The following IL20RB variants were observed in gnomAD, a reference collection of about 807,000 sequenced individuals.
IL20RB encodes the protein interleukin 20 receptor subunit beta.
A neutral mutation model predicts 33.3 loss-of-function variants in IL20RB; 21 were observed. The observed-to-expected ratio is 0.63, with a 90% CI of 0.45 to 0.91. The LOEUF (loss-of-function observed/expected upper bound fraction) is 0.91, where lower values mean the gene tolerates loss of function less well. Ranked by LOEUF, IL20RB falls within the 40% of genes least tolerant of loss-of-function variation. The pLI is 0.00. For synonymous variants in IL20RB, 147 were observed against 146.8 expected, an observed-to-expected ratio of 1.00 and a Z score of -0.01; for missense variants, 345 against 384.8, an observed-to-expected ratio of 0.90 and a Z score of 0.86.
chr3:136,984,121 G>A (rs982797500), intron 3 of IL20RB, among the ~76,000 whole-genome samples: 1 of 152,236 alleles, frequency 6.6e-6, no homozygotes, highest in Non-Finnish European at 1.5e-5. Context: ...TTATAGGAAT[G>A]AGCCATCGCA....
chr3:137,002,678 C>T (rs537717963), intron 6 of IL20RB, among the ~76,000 whole-genome samples: 77 of 152,036 alleles, frequency 5.1e-4, no homozygotes, highest in Middle Eastern at 3.4e-3. Flanking sequence ...AGTCCTTTGT[C>T]AGATGGGTAG....
chr3:136,980,320 C>A, intron 1 of IL20RB, 146 bp from the exon 2 acceptor site: 54 of 754,938 alleles, frequency 7.2e-5, no homozygotes, highest in Non-Finnish European at 8.5e-5. Context: ...GAGTCTCATT[C>A]TGTTGTCTAG....
chr3:137,007,903 T>TGA (rs1222433437), intron 6 of IL20RB, among the ~76,000 whole-genome samples: 5 of 152,212 alleles, frequency 3.3e-5, no homozygotes, highest in African/African-American at 1.2e-4. Context: ...GGAGTGTTTC[T>TGA]ATTCAGCCAT....
At chr3:136,960,943 C>CTT (rs1941202145) in intron 1 of IL20RB, among the ~76,000 whole-genome samples, 1 of 152,142 alleles carries the variant, frequency 6.6e-6, no homozygotes, top group Non-Finnish European at 1.5e-5. Flanking sequence ...GACATCAGGC[C>CTT]CACTGAGCGT....
At chr3:136,976,997 G>T (rs1941634833) in intron 1 of IL20RB, among the ~76,000 whole-genome samples, 1 of 152,202 alleles carries the variant, frequency 6.6e-6, no homozygotes, top group Non-Finnish European at 1.5e-5. Flanking sequence ...CCCACATTGA[G>T]AAGTCACTCT....
intron 4 of IL20RB, among the ~76,000 whole-genome samples, chr3:136,990,482 A>T (rs962946525): frequency 1.3e-5 from 2 of 151,698 alleles, no homozygotes; most frequent in African/African-American, 4.8e-5. Flanking sequence ...CTTCCTACTC[A>T]TGCCTATGAT....
At chr3:136,992,405 T>A (rs763484187) in intron 5 of IL20RB, among the ~76,000 whole-genome samples, 5 of 152,228 alleles carry the variant, frequency 3.3e-5, no homozygotes, top group Non-Finnish European at 7.3e-5. Context: ...CAGAGTGGGC[T>A]GCAGGAGAGG....
chr3:136,989,363 C>T, intron 3 of IL20RB, 78 bp from the exon 4 acceptor site: 3 of 1,552,566 alleles, frequency 1.9e-6, no homozygotes, highest in Non-Finnish European at 2.7e-6. Context: ...TATTTCCATA[C>T]ATGACCCGGT....
intron 4 of IL20RB, among the ~76,000 whole-genome samples, chr3:136,990,814 C>A (rs1384683470): frequency 7.5e-6 from 1 of 132,530 alleles, no homozygotes; most frequent in African/African-American, 2.8e-5. Flanking sequence ...GCAGGTACAA[C>A]ACTGGGTTTC....
intron 6 of IL20RB, 77 bp from the exon 7 acceptor site, chr3:137,010,036 T>G: frequency 1.3e-6 from 1 of 746,952 alleles, no homozygotes; most frequent in East Asian, 2.8e-5. Flanking sequence ...AATCAAATAG[T>G]TAAAAATGTA....
intron 3 of IL20RB, among the ~76,000 whole-genome samples, chr3:136,988,045 G>A (rs928430342): frequency 5.3e-5 from 8 of 152,240 alleles, no homozygotes; most frequent in African/African-American, 1.7e-4. Flanking sequence ...GCAGTGCAGC[G>A]GTGGGCTGAA....
rs1281360938 is a variant in IL20RB, at chr3:136,998,675, T to C, written c.825+3119T>C. Reference sequence around the variant, plus strand: ...TTTTCATTTTAAATATTAATTATAATATTTCAAAAATAATAACATTTTATT... The same window carrying C: ...TTTTCATTTTAAATATTAATTATAACATTTCAAAAATAATAACATTTTATT... On this transcript the variant is annotated intron_variant, in intron 6 of 6. Transcript: ENST00000329582. 2.0e-5 allele frequency among the ~76,000 whole-genome samples: 3 copies of C among 151,878 alleles called. No homozygotes were observed. The East Asian group carries it at 5.8e-4, about 29-fold the overall frequency.
chr3:136,987,948 C>T (rs968344026), intron 3 of IL20RB, among the ~76,000 whole-genome samples: 4 of 152,188 alleles, frequency 2.6e-5, no homozygotes, highest in South Asian at 2.1e-4. Context: ...CGTGCAGCCC[C>T]GGTTCCAGCT....
At chr3:136,980,312 G>A (rs183318401) in intron 1 of IL20RB, 154 bp from the exon 2 acceptor site, 6 of 735,304 alleles carry the variant, frequency 8.2e-6, no homozygotes, top group Admixed American at 4.4e-5. Flanking sequence ...TTGAGACAGA[G>A]TCTCATTCTG....
chr3:137,004,659 C>T (rs1280910951), intron 6 of IL20RB, among the ~76,000 whole-genome samples: 1 of 152,058 alleles, frequency 6.6e-6, no homozygotes, highest in African/African-American at 2.4e-5. Flanking sequence ...TCTCTCTTTT[C>T]TTCTTTGTTA....
chr3:136,994,697 A>G (rs1942093719), intron 5 of IL20RB, among the ~76,000 whole-genome samples: 2 of 152,230 alleles, frequency 1.3e-5, no homozygotes, highest in South Asian at 4.1e-4. Context: ...AGATGCTCAG[A>G]TCGGGCCTTT....
At chr3:136,970,080 T>C (rs1941432980) in intron 1 of IL20RB, among the ~76,000 whole-genome samples, 1 of 151,904 alleles carries the variant, frequency 6.6e-6, no homozygotes, top group African/African-American at 2.4e-5. Context: ...TAAAGCGTTT[T>C]TTTTGTTTTT....
intron 1 of IL20RB, among the ~76,000 whole-genome samples, chr3:136,971,836 C>T (rs1195090742): frequency 6.6e-6 from 1 of 152,120 alleles, no homozygotes; most frequent in Non-Finnish European, 1.5e-5. Context: ...ATTTATTTTC[C>T]TTTGGGTAGA....
intron 1 of IL20RB, among the ~76,000 whole-genome samples, chr3:136,962,731 A>G (rs1381348067): frequency 1.3e-5 from 2 of 151,070 alleles, no homozygotes; most frequent in Non-Finnish European, 2.9e-5. Context: ...CAGTCTGGCA[A>G]CAGAGCAAGA....
Sources: allele counts gnomAD v4.1 joint callset (sites outside exome capture counted in the v4.1 genomes callset), GRCh38; gene constraint gnomAD v4.1.1; transcripts MANE v1.5; gene names NCBI Gene and HGNC (gene_info 2026-07-23, HGNC 2026-07-21).